The following CDH18 variants were observed in gnomAD, a reference collection of about 807,000 sequenced individuals.
CDH18 encodes the protein cadherin 18.
CDH18 carries 31 observed loss-of-function variants against 67.9 expected under a neutral mutation model. That is an observed-to-expected ratio of 0.46 (90% CI 0.34 to 0.62). CDH18 has a LOEUF of 0.62. Among genes scored for constraint, CDH18 ranks in the 20% least tolerant of loss-of-function variants. CDH18 has a pLI of 0.01. For synonymous variants in CDH18, 362 were observed against 347.2 expected (o/e 1.04, Z -0.48); for missense variants, 890 against 975.5 (o/e 0.91, Z 1.17).
intron 2 of CDH18, among the ~76,000 whole-genome samples, chr5:20,238,908 G>A (rs531849327): frequency 6.6e-6 from 1 of 152,238 alleles, no homozygotes; most frequent in African/African-American, 2.4e-5. Context: ...GTAATGCTTA[G>A]AGCTGTTTAT....
At chr5:19,843,012 TA>T (rs972801549) in intron 2 of CDH18, among the ~76,000 whole-genome samples, 3 of 152,174 alleles carry the variant, frequency 2.0e-5, no homozygotes, top group African/African-American at 7.2e-5. Flanking sequence ...AAGCACAGCA[TA>T]AAAGTTTGGA....
chr5:19,563,220 C>A (rs1739767545), intron 8 of CDH18, among the ~76,000 whole-genome samples: 1 of 151,986 alleles, frequency 6.6e-6, no homozygotes, highest in Non-Finnish European at 1.5e-5. Flanking sequence ...GCATATTGGG[C>A]TACAAAAAGA....
chr5:19,876,013 T>A (rs1381486589), intron 2 of CDH18, among the ~76,000 whole-genome samples: 1 of 152,032 alleles, frequency 6.6e-6, no homozygotes, highest in Admixed American at 6.6e-5. Flanking sequence ...AATAGGCTGA[T>A]GTTTACCAAA....
intron 2 of CDH18, among the ~76,000 whole-genome samples, chr5:19,844,690 T>C (rs1164439216): frequency 1.3e-5 from 2 of 152,134 alleles, no homozygotes; most frequent in South Asian, 4.1e-4. Context: ...GTTGAGAAAT[T>C]TTCCACAGCA....
chr5:19,921,338 T>C lies in CDH18; in HGVS notation c.-257+59722A>G, dbSNP rs187783115. On this transcript the variant is annotated intron_variant, in intron 2 of 12. Transcript: ENST00000382275. ...CGAGGTCAGGAGATTGCGACTATCCTGGCTAACACAGTGAAACCCTGTCTC... is the reference window on the plus strand; with the variant it reads ...CGAGGTCAGGAGATTGCGACTATCCCGGCTAACACAGTGAAACCCTGTCTC... Among the ~76,000 whole-genome samples the C allele has an allele frequency of 1.4e-3, 207 of 152,232 alleles. 1 individual carries two copies. Among genetic ancestry groups the C allele is most frequent in the Non-Finnish European group, 6.0e-4 (41 of 68,006 alleles).
chr5:20,179,197 C>G (rs964220337), intron 2 of CDH18, among the ~76,000 whole-genome samples: 5 of 152,098 alleles, frequency 3.3e-5, no homozygotes, highest in Admixed American at 1.3e-4. Flanking sequence ...TTACTGAGCA[C>G]ATACTAAATA....
chr5:19,571,670 A>G lies in CDH18; in HGVS notation c.1162T>C (p.Tyr388His). The stretch of plus-strand genomic sequence containing the variant: ...GCATTTTCGTAGACTTCCATGAGGT[A>G]GGAAGGCATGGAAAATAGTGGTGGT... ...DEPPLFSMPS[Y>H]LMEVYENAKI... Residue 388 changes from tyrosine (Y) to histidine (H), a missense_variant, in exon 8 of 13, where the codon TAC becomes CAC. By Grantham distance (83) the Tyr-to-His change is moderately conservative (BLOSUM62 2). Around this residue, in one of 2 missense-constraint regions of CDH18, gnomAD observed 656 missense variants for 668.1 expected, o/e 0.98. Transcript: ENST00000382275. 1 of 1,613,640 alleles carries G rather than the reference A, an allele frequency of 6.2e-7. No homozygotes were observed. Among genetic ancestry groups the G allele is most frequent in the Non-Finnish European group, 8.5e-7 (1 of 1,179,622 alleles).
chr5:20,465,922 C>G (rs1161517412), intron 1 of CDH18, among the ~76,000 whole-genome samples: 1 of 151,928 alleles, frequency 6.6e-6, no homozygotes, highest in Non-Finnish European at 1.5e-5. Flanking sequence ...CAGTTGTTAT[C>G]TTAACTAAGG....
intron 4 of CDH18, among the ~76,000 whole-genome samples, chr5:19,733,802 C>G (rs1767933112): frequency 6.6e-6 from 1 of 152,218 alleles, no homozygotes; most frequent in South Asian, 2.1e-4. Flanking sequence ...AACATCCCCT[C>G]TGGGGCTTGG....
In CDH18 at chr5:19,971,320, CAA is replaced by C. The variant is rs1429650904; in HGVS notation, c.-257+9738_-257+9739del. On this transcript the variant is annotated intron_variant, in intron 2 of 12. Coordinates refer to ENST00000382275, the MANE Select transcript of CDH18 (RefSeq NM_004934.5). ...AAAGTGACTTGCACCTTCAATTGTT[CAA>C]GAGCTAATGTATAGGGATGAATTCA... 5.7e-4 allele frequency among the ~76,000 whole-genome samples: 86 copies of C among 151,912 alleles called. 2 individuals carry two copies. Among genetic ancestry groups the C allele is most frequent in the Admixed American group, 5.6e-3 (86 of 15,232 alleles).
rs530795702 is a variant in CDH18 at position 20,470,812 on chromosome 5, A to G, written c.-580+104650T>C. ...ACTCTTACTTACCCCCGGACTTAGC[A>G]CTGTATGCGCCAAGCTATTCCAAGT... is the stretch of plus-strand genomic sequence containing the variant. On this transcript the variant is annotated intron_variant, in intron 1 of 14. Transcript: ENST00000507958. Among the ~76,000 whole-genome samples the G allele has an allele frequency of 2.0e-5, 3 of 152,288 alleles. No individual in the cohort carries two copies. In the South Asian group the frequency reaches 6.2e-4, roughly 32 times the overall value.
intron 1 of CDH18, among the ~76,000 whole-genome samples, chr5:20,458,599 C>A (rs1038060190): frequency 2.0e-5 from 3 of 152,124 alleles, no homozygotes; most frequent in African/African-American, 7.2e-5. Context: ...GCCTGGGCAA[C>A]AGAGCGAGAC....
chr5:19,715,482 A>G (rs1004157066), intron 5 of CDH18, among the ~76,000 whole-genome samples: 2 of 152,104 alleles, frequency 1.3e-5, no homozygotes, highest in African/African-American at 4.8e-5. Flanking sequence ...ATCTAGAGAC[A>G]CTATTCTGAG....
chr5:20,044,915 C>A (rs999527319), intron 2 of CDH18, among the ~76,000 whole-genome samples: 1 of 151,948 alleles, frequency 6.6e-6, no homozygotes, highest in Non-Finnish European at 1.5e-5. Context: ...TATTTTTTTA[C>A]TAAAAATGTG....
chr5:19,636,237 A>G (rs1422236637), intron 5 of CDH18, among the ~76,000 whole-genome samples: 2 of 152,148 alleles, frequency 1.3e-5, no homozygotes, highest in East Asian at 3.9e-4. Context: ...TTTTCAATTG[A>G]CACAAAATTG....
At chr5:19,557,429 G>C (rs1009398847) in intron 8 of CDH18, among the ~76,000 whole-genome samples, 1 of 151,928 alleles carries the variant, frequency 6.6e-6, no homozygotes. Context: ...TTAAAATAAA[G>C]GGGTGGAAAC....
chr5:20,216,953 C>T lies in CDH18; in HGVS notation c.-518+38491G>A, dbSNP rs190480908. On this transcript the variant is annotated intron_variant, in intron 2 of 14. Transcript: ENST00000507958. ...CAGCAGCAGTGTTCTCATTGGAAAC[C>T]TTATTAGCCAGAAAAAAGTGGCATG... Among the ~76,000 whole-genome samples the T allele has an allele frequency of 1.9e-3, 286 of 151,862 alleles. 3 individuals carry two copies. The highest frequency in any genetic ancestry group is 0.017 in the Admixed American group (261 of 15,184).
At chr5:20,261,273 C>G (rs1744627709) in intron 1 of CDH18, among the ~76,000 whole-genome samples, 1 of 151,850 alleles carries the variant, frequency 6.6e-6, no homozygotes, top group African/African-American at 2.4e-5. Context: ...TAACAAAAAC[C>G]TGGAAAATAA....
At chr5:20,140,680 C>T (rs756621610) in intron 2 of CDH18, among the ~76,000 whole-genome samples, 2 of 152,054 alleles carry the variant, frequency 1.3e-5, no homozygotes, top group Non-Finnish European at 2.9e-5. Context: ...TCTGTGACGA[C>T]AGTTCTCTGA....
Sources: gnomAD v4.1 joint callset for allele counts (sites outside exome capture counted in the v4.1 genomes callset) on GRCh38, gnomAD v4.1.1 for gene constraint, gnomAD v4.1.1 regional missense constraint, MANE v1.5 for transcripts, NCBI Gene and HGNC (gene_info 2026-07-23, HGNC 2026-07-21) for gene names.